Variants in FER1L6 observed in about 807,000 individuals in gnomAD.
FER1L6 encodes the protein fer-1 like family member 6.
A neutral mutation model predicts 219.2 loss-of-function variants in FER1L6; 177 were observed. The ratio of observed to expected loss-of-function variants is 0.81; its 90% CI spans 0.71 to 0.91. FER1L6 has a LOEUF of 0.91. Among genes scored for constraint, FER1L6 ranks in the 40% least tolerant of loss-of-function variants. FER1L6 has a pLI of 0.00. For synonymous variants in FER1L6, 768 were observed against 824.3 expected, an observed-to-expected ratio of 0.93 and a Z score of 1.17; for missense variants, 2,153 against 2,259.9, an observed-to-expected ratio of 0.95 and a Z score of 0.96.
chr8:124,112,270 C>T (rs935133149), intron 39 of FER1L6, among the ~76,000 whole-genome samples: 1 of 152,150 alleles, frequency 6.6e-6, no homozygotes, highest in Non-Finnish European at 1.5e-5. Flanking sequence ...GCCACTGCCA[C>T]CTGCCAGATT....
chr8:124,119,698 G>C lies in FER1L6; in HGVS notation c.5482G>C (p.Ala1828Pro), dbSNP rs190098903. The change falls in exon 41 of 41, where the codon GCT (alanine) becomes CCT (proline). Residue 1828 changes from alanine to proline, a missense_variant. By Grantham distance (27) the Ala-to-Pro change is conservative (BLOSUM62 -1). Coordinates refer to ENST00000522917, the MANE Select transcript of FER1L6 (RefSeq NM_001039112.2). The part of the protein sequence containing the change: ...WKNYKKYIII[A>P]FILIILIIFL... ...GAATTACAAAAAGTACATCATCATT[G>C]CTTTCATTCTCATCATCCTCATCAT... 3.1e-6 allele frequency: 5 copies of C among 1,613,226 alleles called. No individual in the cohort carries two copies. In the Admixed American group the frequency reaches 8.3e-5, roughly 27 times the overall value.
intron 12 of FER1L6, among the ~76,000 whole-genome samples, chr8:124,002,188 G>C (rs1388378573): frequency 6.6e-6 from 1 of 152,248 alleles, no homozygotes; most frequent in African/African-American, 2.4e-5. Context: ...GACTCCATTA[G>C]TAGAAGGCAA....
chr8:124,007,640 T>A (rs1817724141), intron 13 of FER1L6, among the ~76,000 whole-genome samples: 1 of 152,222 alleles, frequency 6.6e-6, no homozygotes, highest in South Asian at 2.1e-4. Context: ...CATCTTTAAA[T>A]ATTCCTTCTG....
At chr8:123,959,590 C>T (rs1815176209) in intron 2 of FER1L6, among the ~76,000 whole-genome samples, 1 of 152,220 alleles carries the variant, frequency 6.6e-6, no homozygotes. Flanking sequence ...GGTGCATGAG[C>T]TCCCTGAACA....
At chr8:123,865,732 T>C (rs1816824742) in intron 1 of FER1L6, among the ~76,000 whole-genome samples, 1 of 151,018 alleles carries the variant, frequency 6.6e-6, no homozygotes, top group African/African-American at 2.5e-5. Context: ...CGGGTGGGAG[T>C]GACCCGATTT....
chr8:124,013,901 A>G (rs895147280), intron 15 of FER1L6, among the ~76,000 whole-genome samples: 6 of 152,274 alleles, frequency 3.9e-5, no homozygotes, highest in South Asian at 4.1e-4. Context: ...ATAAAATACC[A>G]TAGTAGGGCT....
intron 12 of FER1L6, among the ~76,000 whole-genome samples, chr8:124,001,267 C>T (rs1817398853): frequency 6.6e-6 from 1 of 152,224 alleles, no homozygotes; most frequent in South Asian, 2.1e-4. Context: ...TAATACCTTC[C>T]TTTTGACTCA....
intron 1 of FER1L6, among the ~76,000 whole-genome samples, chr8:123,902,237 T>A (rs541344225): frequency 3.2e-4 from 49 of 152,348 alleles, no homozygotes; most frequent in Non-Finnish European, 6.3e-4. Flanking sequence ...ACATGGTCTG[T>A]CTTGGAGAAA....
chr8:124,010,397 A>T (rs1817866479), intron 13 of FER1L6, among the ~76,000 whole-genome samples, 197 bp from the exon 14 acceptor site: 2 of 152,170 alleles, frequency 1.3e-5, no homozygotes, highest in African/African-American at 4.8e-5. Context: ...ATACCTCTCC[A>T]TTGTAGCCAT....
At chr8:123,878,984 A>G (rs1286266660) in intron 1 of FER1L6, among the ~76,000 whole-genome samples, 1 of 152,230 alleles carries the variant, frequency 6.6e-6, no homozygotes, top group African/African-American at 2.4e-5. Context: ...ATGTTTAAGC[A>G]CTAAGGATAC....
chr8:123,951,791 G>T (rs578024536), intron 1 of FER1L6, among the ~76,000 whole-genome samples: 1 of 152,192 alleles, frequency 6.6e-6, no homozygotes, highest in Admixed American at 6.5e-5. Context: ...CCCCAGCCCC[G>T]TACTGGGTGT....
chr8:123,983,662 G>A (rs16899173), intron 11 of FER1L6, among the ~76,000 whole-genome samples: 6,460 of 152,180 alleles, frequency 0.042, 297 homozygotes, highest in African/African-American at 0.12. Flanking sequence ...TGGCCTCTGG[G>A]GAAACATTGC....
chr8:124,060,890 G>A, intron 24 of FER1L6, 181 bp downstream of exon 24: 3 of 641,428 alleles, frequency 4.7e-6, no homozygotes, highest in Non-Finnish European at 7.4e-6. Context: ...TTTCCAGTGT[G>A]GATCATACAG....
At chr8:124,001,540 A>C (rs994938760) in intron 12 of FER1L6, among the ~76,000 whole-genome samples, 10 of 152,242 alleles carry the variant, frequency 6.6e-5, no homozygotes, top group Non-Finnish European at 1.3e-4. Flanking sequence ...GGTGAATTTT[A>C]AAAAGAGGAC....
rs781161909 is a variant in FER1L6 at position 124,015,571 on chromosome 8, CTATATATATA to C, written c.1923-2021_1923-2012del. Among the ~76,000 whole-genome samples the C allele has an allele frequency of 2.8e-3, 122 of 43,264 alleles. 1 individual carries two copies. Among genetic ancestry groups the C allele is most frequent in the South Asian group, 4.4e-3 (4 of 900 alleles). 28.4% of individuals were successfully genotyped at this position (43,264 alleles called of 152,430 possible). On this transcript the variant is annotated intron_variant, in intron 15 of 40. Coordinates refer to ENST00000522917, the MANE Select transcript of FER1L6 (RefSeq NM_001039112.2). ...TGTTTCTTGTTTTTCATTATAAAAG[CTATATATATA>C]TATATATATATATATATATATATAT...
chr8:124,006,028 C>T (rs1020634579), intron 13 of FER1L6, among the ~76,000 whole-genome samples: 6 of 152,158 alleles, frequency 3.9e-5, no homozygotes, highest in African/African-American at 1.2e-4. Context: ...GTTTATCTGT[C>T]GTTCTTCACA....
intron 18 of FER1L6, among the ~76,000 whole-genome samples, chr8:124,023,899 G>A (rs114516029): frequency 0.039 from 4,043 of 103,164 alleles, 85 homozygotes; most frequent in East Asian, 0.094. Context: ...TGAACCTTAA[G>A]GTTTTTTTTT....
chr8:123,931,259 C>T (rs573019291), intron 1 of FER1L6, among the ~76,000 whole-genome samples: 28 of 152,266 alleles, frequency 1.8e-4, no homozygotes, highest in Non-Finnish European at 3.5e-4. Context: ...ACTGCATGGT[C>T]GATGGATGAG....
chr8:123,899,067 TA>T (rs1222505363), intron 1 of FER1L6, among the ~76,000 whole-genome samples: 1 of 152,084 alleles, frequency 6.6e-6, no homozygotes, highest in African/African-American at 2.4e-5. Flanking sequence ...TTTAGATCTT[TA>T]AGAAATCTCC....
Sources: gnomAD v4.1 joint callset for allele counts (sites outside exome capture counted in the v4.1 genomes callset) on GRCh38, gnomAD v4.1.1 for gene constraint, MANE v1.5 for transcripts, NCBI Gene and HGNC (gene_info 2026-07-23, HGNC 2026-07-21) for gene names.